The following PLPP4 variants were observed in gnomAD, a reference collection of about 807,000 sequenced individuals.
PLPP4 encodes phospholipid phosphatase 4.
PLPP4 carries 20 observed loss-of-function variants against 32.2 expected under a neutral mutation model. That is an observed-to-expected ratio of 0.62 (90% CI 0.44 to 0.90). The LOEUF (loss-of-function observed/expected upper bound fraction) is 0.90. Among genes scored for constraint, PLPP4 ranks in the 40% least tolerant of loss-of-function variants. The pLI is 0.00. For missense variants in PLPP4, 257 were observed against 353.1 expected, an observed-to-expected ratio of 0.73 and a Z score of 2.18; for synonymous variants, 127 against 133.0, an observed-to-expected ratio of 0.95 and a Z score of 0.31.
At position 120,457,226 on chromosome 10, in the gene PLPP4, TCTGGCGAGCCGGCGCCGGCCGAG is replaced by T. The variant is rs1464896176; in HGVS notation, c.-76_-54del. On this transcript the variant is annotated 5_prime_UTR_variant, in exon 1 of 7. Coordinates refer to ENST00000398250, the MANE Select transcript of PLPP4 (RefSeq NM_001030059.3). Reference sequence around the variant, plus strand: ...AGCGCGCCTCCCTCGCCTCCCAGGGTCTGGCGAGCCGGCGCCGGCCGAGCTGCGGGAGCCGCGGAGAGCACCAG... The same window carrying T: ...AGCGCGCCTCCCTCGCCTCCCAGGGTCTGCGGGAGCCGCGGAGAGCACCAG... 4.9e-6 allele frequency: 6 copies of T among 1,212,610 alleles called. No individual in the cohort carries two copies. The highest frequency in any genetic ancestry group is 2.6e-4 in the Middle Eastern group (1 of 3,850). The allele number at this position is 1,212,610 out of a possible 1,614,324, so 75.1% of individuals were successfully genotyped here. A position where few individuals can be genotyped will look rare whatever the true frequency, so the allele number is the denominator to read the frequency against.
intron 1 of PLPP4, among the ~76,000 whole-genome samples, chr10:120,486,320 A>G (rs1268262467): frequency 6.6e-6 from 1 of 151,086 alleles, no homozygotes; most frequent in East Asian, 2.0e-4. Flanking sequence ...GATGGGAGAC[A>G]TGGACTCGCC....
chr10:120,572,485 G>T (rs1848989469), intron 5 of PLPP4, among the ~76,000 whole-genome samples: 1 of 152,164 alleles, frequency 6.6e-6, no homozygotes, highest in Non-Finnish European at 1.5e-5. Context: ...TCATTGATTT[G>T]TTTGTTTGTT....
chr10:120,525,327 A>G (rs1168329890), intron 5 of PLPP4, among the ~76,000 whole-genome samples: 2 of 152,274 alleles, frequency 1.3e-5, no homozygotes, highest in Non-Finnish European at 2.9e-5. Context: ...CAAATTGTGC[A>G]CATGAATGTT....
chr10:120,520,245 C>G (rs905540394), intron 4 of PLPP4, among the ~76,000 whole-genome samples: 2 of 152,150 alleles, frequency 1.3e-5, no homozygotes, highest in Non-Finnish European at 2.9e-5. Flanking sequence ...GAGAGGCCAA[C>G]CTGGGGCACT....
At chr10:120,469,714 A>G (rs1442301068) in intron 1 of PLPP4, among the ~76,000 whole-genome samples, 1 of 152,198 alleles carries the variant, frequency 6.6e-6, no homozygotes, top group East Asian at 1.9e-4. Flanking sequence ...TGCCTATTCC[A>G]TTCTCTTCAC....
chr10:120,521,191 A>G (rs1846140368), intron 5 of PLPP4, 96 bp downstream of exon 5: 1 of 1,451,108 alleles, frequency 6.9e-7, no homozygotes, highest in Admixed American at 2.1e-5. Flanking sequence ...CTGGTACAGG[A>G]ATGTTAAGCG....
intron 1 of PLPP4, among the ~76,000 whole-genome samples, chr10:120,460,835 C>T (rs542014190): frequency 6.6e-6 from 1 of 152,316 alleles, no homozygotes; most frequent in South Asian, 2.1e-4. Context: ...TCATTATTCC[C>T]ACTTTACAAA....
intron 1 of PLPP4, among the ~76,000 whole-genome samples, chr10:120,500,921 A>C (rs186177468): frequency 6.6e-6 from 1 of 152,220 alleles, no homozygotes; most frequent in Non-Finnish European, 1.5e-5. Context: ...AGCCAAATGC[A>C]AATCAAATCC....
chr10:120,579,293 G>A (rs1387351985), intron 6 of PLPP4, among the ~76,000 whole-genome samples: 1 of 152,080 alleles, frequency 6.6e-6, no homozygotes, highest in Admixed American at 6.5e-5. Context: ...TCCCCCTCTG[G>A]ATGTAATCTA....
At chr10:120,483,086 C>G (rs1413232656) in intron 1 of PLPP4, among the ~76,000 whole-genome samples, 8 of 152,148 alleles carry the variant, frequency 5.3e-5, no homozygotes, top group Admixed American at 5.2e-4. Context: ...AGTCTTTCAG[C>G]CTTCATCTTT....
intron 4 of PLPP4, among the ~76,000 whole-genome samples, chr10:120,520,417 G>A (rs566109324): frequency 3.9e-5 from 6 of 152,308 alleles, no homozygotes; most frequent in Non-Finnish European, 5.9e-5. Context: ...TAGATCAAGC[G>A]GTAGAGTGGT....
intron 1 of PLPP4, among the ~76,000 whole-genome samples, chr10:120,477,200 C>G (rs1589730124): frequency 7.3e-6 from 1 of 137,362 alleles, no homozygotes; most frequent in African/African-American, 2.6e-5. Context: ...ATTTTCCTCT[C>G]AAGAATGTGA....
chr10:120,552,383 A>G (rs1197206784), intron 5 of PLPP4, among the ~76,000 whole-genome samples: 1 of 152,150 alleles, frequency 6.6e-6, no homozygotes, highest in Non-Finnish European at 1.5e-5. Flanking sequence ...TATCTAACGG[A>G]TGAAACATTG....
At chr10:120,460,770 T>G (rs1211768632) in intron 1 of PLPP4, among the ~76,000 whole-genome samples, 6 of 152,210 alleles carry the variant, frequency 3.9e-5, no homozygotes, top group Non-Finnish European at 7.3e-5. Context: ...GCTAACTTCA[T>G]GCAAAAGGTA....
chr10:120,479,554 C>T (rs1047727457), intron 1 of PLPP4, among the ~76,000 whole-genome samples: 10 of 152,206 alleles, frequency 6.6e-5, no homozygotes, highest in African/African-American at 2.2e-4. Context: ...GCTCAGCAGG[C>T]TGTATGTTCT....
At chr10:120,569,257 T>C (rs905809518) in intron 5 of PLPP4, among the ~76,000 whole-genome samples, 13 of 151,214 alleles carry the variant, frequency 8.6e-5, no homozygotes, top group Admixed American at 7.3e-4. Context: ...AAAAAAATTC[T>C]TAATCCTCCT....
At chr10:120,580,828 A>T (rs1849471097) in intron 6 of PLPP4, 14 of 1,252,614 alleles carry the variant, frequency 1.1e-5, no homozygotes, top group Non-Finnish European at 1.5e-5. Flanking sequence ...GGTAGAACAA[A>T]AACACTGAAA....
intron 5 of PLPP4, among the ~76,000 whole-genome samples, chr10:120,539,983 G>T: frequency 6.9e-6 from 1 of 144,004 alleles, no homozygotes. Context: ...AGATCCCAAG[G>T]TGATTAGTAA....
chr10:120,554,842 A>T (rs749301619), intron 5 of PLPP4, among the ~76,000 whole-genome samples: 1 of 152,140 alleles, frequency 6.6e-6, no homozygotes, highest in Non-Finnish European at 1.5e-5. Flanking sequence ...ATCTGCCCCC[A>T]TGACCAAATC....
Sources: allele counts gnomAD v4.1 joint callset (sites outside exome capture counted in the v4.1 genomes callset), GRCh38; gene constraint gnomAD v4.1.1; transcripts MANE v1.5; gene names NCBI Gene and HGNC (gene_info 2026-07-23, HGNC 2026-07-21).